Variants in ANOS1 observed in about 807,000 individuals in gnomAD.
ANOS1 encodes anosmin 1, also known as anosmin-1.
A neutral mutation model predicts 59.0 loss-of-function variants in ANOS1; 6 were observed. The ratio of observed to expected loss-of-function variants is 0.10; its 90% confidence interval spans 0.06 to 0.20. The LOEUF (loss-of-function observed/expected upper bound fraction) is 0.20, where lower values mean the gene tolerates loss of function less well. Among genes scored for constraint, ANOS1 ranks in the 10% least tolerant of loss-of-function variants. ANOS1 has a pLI of 1.00. For missense variants in ANOS1, 433 were observed against 542.3 expected, an observed-to-expected ratio of 0.80 and a Z score of 2.00; for synonymous variants, 217 against 223.4, an observed-to-expected ratio of 0.97 and a Z score of 0.25.
chrX:8,591,082 A>G (rs1239621594), intron 4 of ANOS1, among the ~76,000 whole-genome samples: 2 of 112,065 alleles, frequency 1.8e-5, no homozygotes, highest in Non-Finnish European at 3.8e-5. Context: ...GATCGGAGAG[A>G]AAACCCAAAG....
intron 3 of ANOS1, among the ~76,000 whole-genome samples, chrX:8,609,706 T>C (rs1308247958): frequency 9.0e-6 from 1 of 111,032 alleles, no homozygotes; most frequent in African/African-American, 3.3e-5. Context: ...TCTTGTTTCC[T>C]GTTCTTATAA....
At chrX:8,544,651 C>T (rs916138110) in intron 9 of ANOS1, among the ~76,000 whole-genome samples, 8 of 111,337 alleles carry the variant, frequency 7.2e-5, no homozygotes, top group African/African-American at 2.3e-4. Context: ...TGCAGTGGCT[C>T]ATGCCTTCAA....
chrX:8,626,715 T>G, intron 2 of ANOS1, among the ~76,000 whole-genome samples: 1 of 107,721 alleles, frequency 9.3e-6, no homozygotes, highest in Non-Finnish European at 1.9e-5. Context: ...AAAAAAATTA[T>G]CCAGGCGTGG....
In ANOS1 at chrX:8,548,482, T is replaced by C. The variant is rs1385103233; in HGVS notation, c.1354+5470A>G. ...ATACCAAGTGTTTTCAAGAACTTCC[T>C]GTCACTTCAAAGAAAGTTTTAGCGT... On this transcript the variant is annotated intron_variant, in intron 9 of 13. Coordinates refer to ENST00000262648, the MANE Select transcript of ANOS1 (RefSeq NM_000216.4). Among the ~76,000 whole-genome samples, 7 of 112,399 alleles carry C rather than the reference T, an allele frequency of 6.2e-5. No homozygotes were observed. The South Asian group carries it at 1.5e-3, about 24-fold the overall frequency.
chrX:8,668,430 T>TACACACACACACAC (rs1555900813), intron 2 of ANOS1, among the ~76,000 whole-genome samples: 1 of 80,258 alleles, frequency 1.2e-5, no homozygotes, highest in African/African-American at 5.0e-5. Context: ...TATATATATA[T>TACACACACACACAC]ACACACACAT....
intron 2 of ANOS1, among the ~76,000 whole-genome samples, chrX:8,624,827 G>T (rs1208624177): frequency 1.8e-5 from 2 of 110,032 alleles, no homozygotes; most frequent in African/African-American, 6.6e-5. Context: ...ATACTCTGAG[G>T]CCAGGTGTGG....
At chrX:8,574,478 C>T (rs1028884767) in intron 6 of ANOS1, among the ~76,000 whole-genome samples, 4 of 111,166 alleles carry the variant, frequency 3.6e-5, no homozygotes, top group African/African-American at 3.3e-5. Flanking sequence ...ATTTGAGTCA[C>T]TGGACTGGAA....
intron 8 of ANOS1, among the ~76,000 whole-genome samples, chrX:8,564,111 GGATGGAGGCAGGA>G (rs1930073918): frequency 1.8e-5 from 2 of 111,652 alleles, no homozygotes; most frequent in South Asian, 7.5e-4. Flanking sequence ...TCCAAGAGCC[GGATGGAGGCAGGA>G]GATCCTACAA....
intron 1 of ANOS1, among the ~76,000 whole-genome samples, chrX:8,723,098 T>C (rs771485272): frequency 8.9e-6 from 1 of 112,401 alleles, no homozygotes; most frequent in East Asian, 2.8e-4. Flanking sequence ...CCTGAAACTA[T>C]AAAAATTCTA....
chrX:8,638,492 T>C (rs781574087), intron 2 of ANOS1, among the ~76,000 whole-genome samples: 11 of 111,806 alleles, frequency 9.8e-5, no homozygotes, highest in Non-Finnish European at 1.3e-4. Flanking sequence ...GACCTTAGAA[T>C]ATGATGGAGA....
intron 1 of ANOS1, 37 bp downstream of exon 1, chrX:8,731,793 A>G: frequency 8.6e-7 from 1 of 1,166,127 alleles, no homozygotes; most frequent in Non-Finnish European, 1.1e-6. Context: ...CCGCGGCCGC[A>G]GCCCCAGAAA....
chrX:8,554,542 G>GTTTTTTTT (rs757605733), intron 8 of ANOS1, among the ~76,000 whole-genome samples: 14 of 50,832 alleles, frequency 2.8e-4, no homozygotes, highest in East Asian at 8.4e-4. Flanking sequence ...GGCTACAGGA[G>GTTTTTTTT]TTTTTTTTTT....
chrX:8,643,525 C>T (rs1245517092), intron 2 of ANOS1, among the ~76,000 whole-genome samples: 1 of 111,452 alleles, frequency 9.0e-6, no homozygotes, highest in Non-Finnish European at 1.9e-5. Context: ...TATTTTGCAA[C>T]GTGACTCTGG....
chrX:8,666,689 C>G (rs956202940), intron 2 of ANOS1, among the ~76,000 whole-genome samples: 2 of 112,393 alleles, frequency 1.8e-5, no homozygotes, highest in African/African-American at 3.2e-5. Flanking sequence ...ACATTCCCCA[C>G]ATGCCCAAGA....
intron 1 of ANOS1, among the ~76,000 whole-genome samples, chrX:8,707,333 A>G: frequency 9.0e-6 from 1 of 111,715 alleles, no homozygotes; most frequent in African/African-American, 3.2e-5. Context: ...AGCTAGAAAG[A>G]ATGATATAAA....
intron 1 of ANOS1, among the ~76,000 whole-genome samples, chrX:8,712,775 AAGT>A (rs1298945151): frequency 8.9e-6 from 1 of 112,523 alleles, no homozygotes; most frequent in Non-Finnish European, 1.9e-5. Context: ...GTTTAGAATC[AAGT>A]AGTCCAGTTT....
chrX:8,568,499 T>G, intron 7 of ANOS1, 123 bp from the exon 8 acceptor site: 2 of 671,268 alleles, frequency 3.0e-6, no homozygotes, highest in Non-Finnish European at 4.7e-6. Context: ...CCAACTTTTC[T>G]ATATCTTTGG....
rs1179803043 is a variant in ANOS1 at position 8,706,184 on chromosome X, T to C, written c.208-6439A>G. Among the ~76,000 whole-genome samples the C allele has an allele frequency of 1.2e-4, 13 of 112,303 alleles. No homozygotes were observed. In the South Asian group the frequency reaches 3.7e-3, roughly 32 times the overall value. On this transcript the variant is annotated intron_variant, in intron 1 of 13. Coordinates refer to ENST00000262648, the MANE Select transcript of ANOS1 (RefSeq NM_000216.4). ...AACTAGTTCTCTAGATCCCACCATATGAAAAGAGAAAACAGGAACAGATCT... is the reference window on the plus strand; with the variant it reads ...AACTAGTTCTCTAGATCCCACCATACGAAAAGAGAAAACAGGAACAGATCT...
intron 9 of ANOS1, among the ~76,000 whole-genome samples, chrX:8,549,697 G>A (rs980090621): frequency 8.9e-6 from 1 of 111,963 alleles, no homozygotes; most frequent in East Asian, 2.8e-4. Context: ...GCCAGGCACC[G>A]GTCCAACCAA....
Sources: allele counts gnomAD v4.1 joint callset (sites outside exome capture counted in the v4.1 genomes callset), GRCh38; gene constraint gnomAD v4.1.1; transcripts MANE v1.5; gene names NCBI Gene and HGNC (gene_info 2026-07-23, HGNC 2026-07-21).